The following CD3E variants were observed in gnomAD, a reference collection of about 807,000 sequenced individuals.
The protein encoded by CD3E is CD3 epsilon subunit of T-cell receptor complex, also known as T-cell surface glycoprotein CD3 epsilon chain.
A neutral mutation model predicts 34.7 loss-of-function variants in CD3E; 16 were observed. That is an observed-to-expected ratio of 0.46 (90% confidence interval 0.31 to 0.70). The LOEUF (loss-of-function observed/expected upper bound fraction) is 0.70. Ranked by LOEUF, CD3E falls within the 30% of genes least tolerant of loss-of-function variation. The pLI is 0.05. For synonymous variants in CD3E, 70 were observed against 90.8 expected, an observed-to-expected ratio of 0.77 and a Z score of 1.30; for missense variants, 223 against 253.9, an observed-to-expected ratio of 0.88 and a Z score of 0.83.
chr11:118,309,670 T>C (rs1447171361), intron 4 of CD3E, among the ~76,000 whole-genome samples: 1 of 152,258 alleles, frequency 6.6e-6, no homozygotes, highest in Non-Finnish European at 1.5e-5. Flanking sequence ...TAAAGTTTAC[T>C]GAGCATGTAT....
intron 2 of CD3E, 84 bp downstream of exon 2, chr11:118,305,085 C>T: frequency 8.6e-7 from 1 of 1,167,998 alleles, no homozygotes; most frequent in Non-Finnish European, 1.3e-6. Context: ...CTAGTGGCAC[C>T]AAGGAGCCTC....
At chr11:118,314,552 G>T in intron 8 of CD3E, 58 bp downstream of exon 8, 1 of 1,493,136 alleles carries the variant, frequency 6.7e-7, no homozygotes. Flanking sequence ...CAGGGGGGAA[G>T]GAAACAGATG....
rs1948162530 is a variant in CD3E, at chr11:118,315,644, G to A, written c.*102G>A. ...GTCTTGGACCCCACGAGAGAGAATCGTTCCTCAGCCTCATGGTGAACTCGC... is the reference window on the plus strand; with the variant it reads ...GTCTTGGACCCCACGAGAGAGAATCATTCCTCAGCCTCATGGTGAACTCGC... On this transcript the variant is annotated 3_prime_UTR_variant, in exon 9 of 9. Coordinates refer to ENST00000361763, the MANE Select transcript of CD3E (RefSeq NM_000733.4). 10 of 1,045,586 alleles carry A rather than the reference G, an allele frequency of 9.6e-6. No homozygotes were observed. Among genetic ancestry groups the A allele is most frequent in the African/African-American group, 4.7e-5 (3 of 63,470 alleles). 64.8% of individuals were successfully genotyped at this position (1,045,586 alleles called of 1,614,324 possible). A position where few individuals can be genotyped will look rare whatever the true frequency, so the allele number is the denominator to read the frequency against.
At chr11:118,308,723 C>G (rs1438030036) in intron 4 of CD3E, among the ~76,000 whole-genome samples, 1 of 152,214 alleles carries the variant, frequency 6.6e-6, no homozygotes, top group Admixed American at 6.5e-5. Flanking sequence ...CAGACAGAGA[C>G]AGTGTCTCAT....
At chr11:118,309,995 TA>T (rs1330049636) in intron 4 of CD3E, among the ~76,000 whole-genome samples, 2 of 152,228 alleles carry the variant, frequency 1.3e-5, no homozygotes, top group Non-Finnish European at 2.9e-5. Flanking sequence ...AAAAAATTAA[TA>T]AATAGAAATT....
intron 5 of CD3E, 115 bp downstream of exon 5, chr11:118,312,285 C>A: frequency 2.1e-6 from 2 of 971,318 alleles, no homozygotes; most frequent in Non-Finnish European, 3.4e-6. Flanking sequence ...CCCAGCATTG[C>A]ATTCTCAACT....
intron 3 of CD3E, among the ~76,000 whole-genome samples, chr11:118,307,984 C>T (rs980740696): frequency 2.0e-5 from 3 of 152,188 alleles, no homozygotes; most frequent in Admixed American, 1.3e-4. Context: ...GCCTGGCCAA[C>T]ATGGCGAAAC....
At chr11:118,306,169 A>C in intron 2 of CD3E, among the ~76,000 whole-genome samples, 1 of 146,978 alleles carries the variant, frequency 6.8e-6, no homozygotes, top group East Asian at 2.0e-4. Context: ...TGTGTTATAA[A>C]GTATGCTTTT....
chr11:118,311,524 G>A (rs535203668), intron 4 of CD3E, among the ~76,000 whole-genome samples: 5 of 152,286 alleles, frequency 3.3e-5, no homozygotes, highest in Admixed American at 1.3e-4. Flanking sequence ...CCCTCAAAAC[G>A]TGTAGAGTAT....
In CD3E at chr11:118,313,635, C is replaced by T. The variant is rs2231446; in HGVS notation, c.353-72C>T. 2.8e-3 allele frequency: 3,981 copies of T among 1,440,718 alleles called. 100 individuals are homozygous for T. In the African/African-American group the frequency reaches 0.049, roughly 18 times the overall value. 89.2% of individuals were successfully genotyped at this position (1,440,718 alleles called of 1,614,324 possible). A position where few individuals can be genotyped will look rare whatever the true frequency, so the allele number is the denominator to read the frequency against. On this transcript the variant is annotated intron_variant, in intron 6 of 8. Transcript: ENST00000361763. Reference sequence around the variant, plus strand: ...AAGGGGAGAATGGCCTTCATGCACTCCCTCCTCACCTCCAGCGCCTTGTGT... The same window carrying T: ...AAGGGGAGAATGGCCTTCATGCACTTCCTCCTCACCTCCAGCGCCTTGTGT...
At chr11:118,314,974 C>T (rs1241145749) in intron 8 of CD3E, among the ~76,000 whole-genome samples, 1 of 148,908 alleles carries the variant, frequency 6.7e-6, no homozygotes, top group Non-Finnish European at 1.5e-5. Flanking sequence ...CACACACACA[C>T]ACACACACAC....
chr11:118,316,000 GGCCCTGAGCCA>G lies in CD3E; in HGVS notation c.*465_*475del, dbSNP rs1373283286. ...AGGCCCTGCCCCGTTCACAGATCCTGGCCCTGAGCCAGCCCTGTGCTCCTCCCTCCCCCAAC... is the reference window on the plus strand; with the variant it reads ...AGGCCCTGCCCCGTTCACAGATCCTGGCCCTGTGCTCCTCCCTCCCCCAAC... On this transcript the variant is annotated 3_prime_UTR_variant, in exon 9 of 9. Coordinates refer to ENST00000361763, the MANE Select transcript of CD3E (RefSeq NM_000733.4). 1 of 230,254 alleles carries G rather than the reference GGCCCTGAGCCA, an allele frequency of 4.3e-6. No homozygotes were observed. Among genetic ancestry groups the G allele is most frequent in the African/African-American group, 2.3e-5 (1 of 43,732 alleles). The allele number at this position is 230,254 out of a possible 1,614,324, so 14.3% of individuals were successfully genotyped here.
chr11:118,311,260 T>C (rs547894680), intron 4 of CD3E, among the ~76,000 whole-genome samples: 2 of 152,316 alleles, frequency 1.3e-5, no homozygotes, highest in East Asian at 3.9e-4. Context: ...CCAGCTGTTA[T>C]GTCCAGACTG....
intron 2 of CD3E, among the ~76,000 whole-genome samples, chr11:118,306,355 C>T (rs1016832811): frequency 7.9e-5 from 12 of 151,822 alleles, no homozygotes; most frequent in African/African-American, 2.9e-4. Context: ...ATTAGCCAGG[C>T]AAGGTGGCAC....
At chr11:118,315,356 G>T in intron 8 of CD3E, 130 bp from the exon 9 acceptor site, 1 of 752,718 alleles carries the variant, frequency 1.3e-6, no homozygotes, top group South Asian at 1.6e-5. Context: ...TGCCAAATTA[G>T]AATTCCAGCC....
chr11:118,312,206 A>T (rs369702351), intron 5 of CD3E, 36 bp downstream of exon 5: 5 of 1,582,328 alleles, frequency 3.2e-6, no homozygotes, highest in Non-Finnish European at 4.3e-6. Context: ...GCCCTGTCTG[A>T]GGATGCAGAT....
intron 2 of CD3E, among the ~76,000 whole-genome samples, chr11:118,306,482 A>AATAGATAG (rs1305004843): frequency 8.1e-6 from 1 of 123,126 alleles, no homozygotes; most frequent in African/African-American, 3.0e-5. Flanking sequence ...AGTGTCTCAA[A>AATAGATAG]ATAGATAAAT....
chr11:118,307,245 CACA>C (rs1354299651), intron 2 of CD3E, 40 bp from the exon 3 acceptor site: 1 of 1,542,940 alleles, frequency 6.5e-7, no homozygotes, highest in Admixed American at 1.7e-5. Context: ...TGCAGGTACC[CACA>C]ACATTTACTA....
intron 4 of CD3E, among the ~76,000 whole-genome samples, chr11:118,311,030 A>G (rs957979543): frequency 2.0e-5 from 3 of 152,246 alleles, no homozygotes; most frequent in Non-Finnish European, 2.9e-5. Flanking sequence ...GCTATGTGTC[A>G]TTCACTTTCA....
Sources: gnomAD v4.1 joint callset for allele counts (sites outside exome capture counted in the v4.1 genomes callset) on GRCh38, gnomAD v4.1.1 for gene constraint, MANE v1.5 for transcripts, NCBI Gene and HGNC (gene_info 2026-07-23, HGNC 2026-07-21) for gene names.